ACACA: variants seen among roughly 807,000 people sequenced by gnomAD.
ACACA encodes the protein acetyl-CoA carboxylase 1.
In ACACA, 103 loss-of-function variants were observed where a neutral mutation model predicts 296.1. The observed-to-expected ratio is 0.35, with a 90% CI of 0.30 to 0.41. ACACA has a LOEUF of 0.41. Ranked by LOEUF, ACACA falls within the 10% of genes least tolerant of loss-of-function variation. The probability of loss-of-function intolerance (pLI) is 1.00; values close to 1 mark genes in which losing one functional copy is unlikely to be tolerated. For synonymous variants in ACACA, 953 were observed against 1,038.6 expected (o/e 0.92, Z 1.58); for missense variants, 1,554 against 2,989.7 (o/e 0.52, Z 11.20).
chr17:37,297,346 C>A (rs1405022055), intron 3 of ACACA, among the ~76,000 whole-genome samples: 3 of 149,982 alleles, frequency 2.0e-5, no homozygotes, highest in Non-Finnish European at 3.0e-5. Context: ...GAGGCTGAGG[C>A]AGGGGAATCG....
chr17:37,298,830 C>T (rs564203191), intron 3 of ACACA, among the ~76,000 whole-genome samples: 2 of 152,344 alleles, frequency 1.3e-5, no homozygotes, highest in East Asian at 1.9e-4. Flanking sequence ...TGTCTGACTA[C>T]ATACCACAAT....
chr17:37,132,930 T>G (rs2075170599), intron 45 of ACACA, among the ~76,000 whole-genome samples: 1 of 152,242 alleles, frequency 6.6e-6, no homozygotes, highest in Non-Finnish European at 1.5e-5. Flanking sequence ...ACTCTTCTCT[T>G]TACAAGCTAA....
chr17:37,231,165 G>T (rs2079841944), intron 25 of ACACA, among the ~76,000 whole-genome samples: 1 of 150,880 alleles, frequency 6.6e-6, no homozygotes, highest in Non-Finnish European at 1.5e-5. Context: ...GACCGTTTGA[G>T]CACAGAAGTT....
intron 52 of ACACA, 116 bp from the exon 53 acceptor site, chr17:37,098,100 C>T: frequency 2.3e-6 from 3 of 1,307,740 alleles, no homozygotes; most frequent in Non-Finnish European, 3.3e-6. Flanking sequence ...CCCTCTGTGG[C>T]CTGGCTCTCC....
intron 3 of ACACA, among the ~76,000 whole-genome samples, chr17:37,297,963 G>GA (rs1567961628): frequency 1.3e-5 from 2 of 151,672 alleles, no homozygotes; most frequent in African/African-American, 4.8e-5. Context: ...AGTTACTTTG[G>GA]AAAAAAAATT....
At chr17:37,108,680 G>A (rs946248405) in intron 52 of ACACA, among the ~76,000 whole-genome samples, 6 of 152,288 alleles carry the variant, frequency 3.9e-5, no homozygotes, top group Admixed American at 2.0e-4. Context: ...GAGCCACCGT[G>A]CCCGGAGTAA....
chr17:37,341,409 G>T (rs575834250), intron 1 of ACACA, among the ~76,000 whole-genome samples: 2 of 152,174 alleles, frequency 1.3e-5, no homozygotes, highest in Middle Eastern at 3.4e-3. Flanking sequence ...GTCTTAAAGC[G>T]GCCAGATGTG....
intron 3 of ACACA, among the ~76,000 whole-genome samples, chr17:37,317,490 C>T (rs768682646): frequency 2.0e-5 from 3 of 151,316 alleles, no homozygotes; most frequent in East Asian, 2.0e-4. Context: ...CGCTTGAACC[C>T]GGGAGGCGGA....
chr17:37,363,072 C>G (rs909699754), intron 1 of ACACA, among the ~76,000 whole-genome samples: 4 of 149,434 alleles, frequency 2.7e-5, no homozygotes, highest in Non-Finnish European at 5.9e-5. Context: ...ACTGCAGCCT[C>G]AACTCCTGGG....
chr17:37,187,376 A>C (rs1347836655), intron 39 of ACACA, among the ~76,000 whole-genome samples: 1 of 152,244 alleles, frequency 6.6e-6, no homozygotes, highest in Non-Finnish European at 1.5e-5. Flanking sequence ...TGGCACCCAA[A>C]GCACGGAATA....
chr17:37,372,924 A>C (rs1327624335), intron 1 of ACACA, among the ~76,000 whole-genome samples: 1 of 151,146 alleles, frequency 6.6e-6, no homozygotes, highest in Non-Finnish European at 1.5e-5. Flanking sequence ...ACTGTCACCC[A>C]GGCTGGAGTG....
At chr17:37,262,342 TC>T in intron 11 of ACACA, among the ~76,000 whole-genome samples, 1 of 152,320 alleles carries the variant, frequency 6.6e-6, no homozygotes, top group South Asian at 2.1e-4. Flanking sequence ...AGATCATGCT[TC>T]CATATGCTTG....
In ACACA at chr17:37,087,166, TCATGCATAACCTG is replaced by T. The variant is rs1488750833; in HGVS notation, c.*137_*149del. 9 of 1,054,970 alleles carry T rather than the reference TCATGCATAACCTG, an allele frequency of 8.5e-6. No homozygotes were observed. The highest frequency in any genetic ancestry group is 1.3e-5 in the Non-Finnish European group (9 of 705,778). The allele number at this position is 1,054,970 out of a possible 1,614,324, so 65.4% of individuals were successfully genotyped here. On this transcript the variant is annotated 3_prime_UTR_variant, in exon 56 of 56. Transcript: ENST00000616317. ...TTCTGTGATCTTACATCCCAGGATG[TCATGCATAACCTG>T]AAACGAGAGGAAGTAAAATGCCATT... is the stretch of plus-strand genomic sequence containing the variant.
chr17:37,381,829 G>GT (rs1188547154), intron 1 of ACACA, among the ~76,000 whole-genome samples: 6 of 150,828 alleles, frequency 4.0e-5, no homozygotes, highest in East Asian at 2.0e-4. Flanking sequence ...GGGTTTCACC[G>GT]TGTTGGCCAG....
intron 45 of ACACA, chr17:37,141,061 C>T (rs1162166046): frequency 4.7e-6 from 2 of 428,334 alleles, no homozygotes; most frequent in Non-Finnish European, 9.0e-6. Context: ...GTACTTAACA[C>T]CCAGACCAAC....
intron 14 of ACACA, 75 bp downstream of exon 14, chr17:37,257,628 T>C: frequency 6.8e-7 from 1 of 1,459,982 alleles, no homozygotes; most frequent in South Asian, 1.2e-5. Flanking sequence ...TGATTCCTAT[T>C]CCCATGCTCA....
chr17:37,339,570 T>C (rs2048291443), intron 2 of ACACA, among the ~76,000 whole-genome samples: 1 of 152,234 alleles, frequency 6.6e-6, no homozygotes, highest in Non-Finnish European at 1.5e-5. Context: ...CCAGACACTC[T>C]AGAAGCTACT....
At chr17:37,336,988 T>A (rs2048148944) in intron 2 of ACACA, among the ~76,000 whole-genome samples, 1 of 152,144 alleles carries the variant, frequency 6.6e-6, no homozygotes, top group Admixed American at 6.5e-5. Context: ...GTAGTGTGGT[T>A]CTCAAAGTGT....
At chr17:37,274,380 C>T in intron 8 of ACACA, 81 bp from the exon 9 acceptor site, 1 of 1,336,046 alleles carries the variant, frequency 7.5e-7, no homozygotes, top group Non-Finnish European at 1.1e-6. Flanking sequence ...CTTTGAAATG[C>T]TATCATATTT....
Sources: allele counts gnomAD v4.1 joint callset (sites outside exome capture counted in the v4.1 genomes callset), GRCh38; gene constraint gnomAD v4.1.1; transcripts MANE v1.5; gene names NCBI Gene and HGNC (gene_info 2026-07-23, HGNC 2026-07-21).